B3GALT1: variants seen among roughly 807,000 people sequenced by gnomAD.
B3GALT1 encodes UDP-Gal:betaGlcNAc beta 1,3-galactosyltransferase, polypeptide 1.
B3GALT1 carries 10 observed loss-of-function variants against 23.2 expected under a neutral mutation model. The observed-to-expected ratio is 0.43, with a 90% CI of 0.27 to 0.73. B3GALT1 has a LOEUF of 0.73. B3GALT1 is among the 30% of genes least tolerant of loss of function. The pLI, the probability that B3GALT1 is intolerant of heterozygous loss-of-function variation, is 0.21. For synonymous variants in B3GALT1, 156 were observed against 141.5 expected (o/e 1.10, Z -0.73); for missense variants, 299 against 405.4 (o/e 0.74, Z 2.25).
chr2:167,449,145 A>G lies in B3GALT1; in HGVS notation c.-510-41032A>G, dbSNP rs572578769. Among the ~76,000 whole-genome samples, 10 of 152,132 alleles carry G rather than the reference A, an allele frequency of 6.6e-5. No homozygotes were observed. The East Asian group carries it at 1.9e-3, about 29-fold the overall frequency. ...TAGTTCTGTGAAGAATGATGATGGC[A>G]TTTTGATGGGAATTGCATTGAATCT... On this transcript the variant is annotated intron_variant, in intron 1 of 4. Transcript: ENST00000392690.
chr2:167,770,448 G>C (rs910716567), intron 3 of B3GALT1, among the ~76,000 whole-genome samples: 10 of 152,084 alleles, frequency 6.6e-5, no homozygotes, highest in African/African-American at 2.2e-4. Context: ...CTGTTCAACT[G>C]TTTTGTTCAT....
intron 4 of B3GALT1, among the ~76,000 whole-genome samples, chr2:167,842,948 C>T (rs994486885): frequency 5.3e-5 from 8 of 152,150 alleles, no homozygotes; most frequent in East Asian, 1.9e-4. Context: ...TTATTTCTTT[C>T]ATTTTCATGA....
At chr2:167,522,837 C>A (rs191689127) in intron 2 of B3GALT1, among the ~76,000 whole-genome samples, 1 of 152,018 alleles carries the variant, frequency 6.6e-6, no homozygotes, top group African/African-American at 2.4e-5. Flanking sequence ...CTTTGTGAAC[C>A]GTAGACTTCA....
intron 2 of B3GALT1, among the ~76,000 whole-genome samples, chr2:167,623,252 G>A (rs533744965): frequency 6.6e-6 from 1 of 152,206 alleles, no homozygotes; most frequent in South Asian, 2.1e-4. Context: ...ATTTGATCCA[G>A]CAATCCCATT....
chr2:167,702,287 T>G (rs1686892405), intron 3 of B3GALT1, among the ~76,000 whole-genome samples: 1 of 152,156 alleles, frequency 6.6e-6, no homozygotes, highest in Non-Finnish European at 1.5e-5. Context: ...CAAACCTAAG[T>G]CAGAGTCATT....
chr2:167,402,436 A>C (rs1424339461), intron 1 of B3GALT1, among the ~76,000 whole-genome samples: 1 of 152,094 alleles, frequency 6.6e-6, no homozygotes, highest in African/African-American at 2.4e-5. Flanking sequence ...AATTCTGAAA[A>C]ACTACTCTCT....
At chr2:167,514,273 C>T (rs565509547) in intron 2 of B3GALT1, among the ~76,000 whole-genome samples, 1 of 152,240 alleles carries the variant, frequency 6.6e-6, no homozygotes, top group East Asian at 1.9e-4. Context: ...CTTTTTAAGA[C>T]ATTTAAACCA....
At chr2:167,651,734 G>C (rs761625610) in intron 3 of B3GALT1, among the ~76,000 whole-genome samples, 7 of 152,034 alleles carry the variant, frequency 4.6e-5, no homozygotes, top group Non-Finnish European at 8.8e-5. Context: ...CTTTTACCAC[G>C]TGCTGAGTTC....
chr2:167,824,868 C>T (rs911541882), intron 4 of B3GALT1, among the ~76,000 whole-genome samples: 2 of 152,142 alleles, frequency 1.3e-5, no homozygotes, highest in Non-Finnish European at 2.9e-5. Flanking sequence ...CATTCAGATG[C>T]CCTTCAGATA....
At chr2:167,331,376 C>T (rs1485286974) in intron 1 of B3GALT1, among the ~76,000 whole-genome samples, 2 of 151,966 alleles carry the variant, frequency 1.3e-5, no homozygotes, top group Admixed American at 6.6e-5. Context: ...GCTGGGTGGG[C>T]GGATGGTTTC....
chr2:167,861,768 AAAGT>A (rs775601525), intron 4 of B3GALT1, among the ~76,000 whole-genome samples: 1 of 152,246 alleles, frequency 6.6e-6, no homozygotes, highest in Admixed American at 6.5e-5. Context: ...TGTCTCCTAG[AAAGT>A]AAGAGAGAGG....
At chr2:167,763,830 C>G (rs1687933487) in intron 3 of B3GALT1, among the ~76,000 whole-genome samples, 2 of 151,916 alleles carry the variant, frequency 1.3e-5, no homozygotes, top group South Asian at 4.2e-4. Context: ...ACTACATAGT[C>G]TAAGAGCATC....
intron 3 of B3GALT1, among the ~76,000 whole-genome samples, chr2:167,788,916 G>C (rs911422847): frequency 2.0e-5 from 3 of 152,110 alleles, no homozygotes; most frequent in African/African-American, 7.2e-5. Flanking sequence ...CTTCTACCCA[G>C]CCTAGTCCAT....
At chr2:167,799,255 G>A (rs1688594820) in intron 3 of B3GALT1, among the ~76,000 whole-genome samples, 1 of 152,070 alleles carries the variant, frequency 6.6e-6, no homozygotes, top group Admixed American at 6.6e-5. Context: ...ATTGTATAGT[G>A]GTGAAGTCTA....
intron 3 of B3GALT1, among the ~76,000 whole-genome samples, chr2:167,763,777 G>T (rs1687932781): frequency 7.0e-6 from 1 of 143,542 alleles, no homozygotes; most frequent in African/African-American, 2.6e-5. Flanking sequence ...TAAAATAAAA[G>T]ATTTCTGATC....
Position 167,748,829 on chromosome 2 carries a change from A to C in B3GALT1, c.-351-69843A>C, listed in dbSNP as rs137905107. Among the ~76,000 whole-genome samples, 114 of 152,272 alleles carry C rather than the reference A, an allele frequency of 7.5e-4. 1 individual carries two copies. Among genetic ancestry groups the C allele is most frequent in the African/African-American group, 2.5e-3 (105 of 41,566 alleles). On this transcript the variant is annotated intron_variant, in intron 3 of 4. Coordinates refer to ENST00000392690, the MANE Select transcript of B3GALT1 (RefSeq NM_020981.4). ...CAGACAAGCCAGTCTTCCTTGGACA[A>C]ATCAGCATCTCTGTCCTTGTGTTCT...
rs78125079 is a variant in B3GALT1 at position 167,298,338 on chromosome 2, C to T, written c.-511+5004C>T. Among the ~76,000 whole-genome samples, 500 of 152,188 alleles carry T rather than the reference C, an allele frequency of 3.3e-3. 23 individuals are homozygous for T. In the East Asian group the frequency reaches 0.068, roughly 21 times the overall value. ...ATATAAGTTAACACTTTGCCAGTTG[C>T]TCATTAAACAGTTCTACATTTTGTA... On this transcript the variant is annotated intron_variant, in intron 1 of 4. Coordinates refer to ENST00000392690, the MANE Select transcript of B3GALT1 (RefSeq NM_020981.4).
intron 2 of B3GALT1, among the ~76,000 whole-genome samples, chr2:167,543,604 A>G (rs1297841803): frequency 1.3e-5 from 2 of 152,238 alleles, no homozygotes; most frequent in Non-Finnish European, 2.9e-5. Context: ...AATTTATGTA[A>G]CTGGAAGGTT....
intron 2 of B3GALT1, among the ~76,000 whole-genome samples, chr2:167,567,452 A>G (rs1684193041): frequency 6.6e-6 from 1 of 152,138 alleles, no homozygotes; most frequent in African/African-American, 2.4e-5. Flanking sequence ...AAAGTTTTGT[A>G]TTTTAAATAA....
Sources: gnomAD v4.1 joint callset for allele counts (sites outside exome capture counted in the v4.1 genomes callset) on GRCh38, gnomAD v4.1.1 for gene constraint, MANE v1.5 for transcripts, NCBI Gene and HGNC (gene_info 2026-07-23, HGNC 2026-07-21) for gene names.